The following ENTREP2 variants were observed in gnomAD, a reference collection of about 807,000 sequenced individuals.
ENTREP2 encodes protein ENTREP2.
chr15:29,608,681 C>T, the ENTREP2 span, among the ~76,000 whole-genome samples: 1 of 151,994 alleles, frequency 6.6e-6, no homozygotes, highest in African/African-American at 2.4e-5. Context: ...ATTCTCCTGA[C>T]TCAGCCTCCC....
chr15:29,159,135 A>G, the ENTREP2 span, among the ~76,000 whole-genome samples: 7 of 152,120 alleles, frequency 4.6e-5, no homozygotes, highest in Admixed American at 3.9e-4. Context: ...TACAGCTCTT[A>G]AAGGTGGCGT....
At chr15:29,393,468 C>T in the ENTREP2 span, among the ~76,000 whole-genome samples, 19 of 152,332 alleles carry the variant, frequency 1.2e-4, no homozygotes, top group African/African-American at 4.3e-4. Context: ...CCACATACCG[C>T]CTGACGCTGC....
At chr15:29,187,014 C>T in the ENTREP2 span, among the ~76,000 whole-genome samples, 1 of 152,116 alleles carries the variant, frequency 6.6e-6, no homozygotes, top group Non-Finnish European at 1.5e-5. Flanking sequence ...TATCATTCAG[C>T]AATAGAATCC....
chr15:29,233,263 G>C, the ENTREP2 span, among the ~76,000 whole-genome samples: 1 of 152,152 alleles, frequency 6.6e-6, no homozygotes, highest in Non-Finnish European at 1.5e-5. Flanking sequence ...TTGGCTACCA[G>C]ATAAGTGAGA....
the ENTREP2 span, among the ~76,000 whole-genome samples, chr15:29,159,130 C>T: frequency 1.8e-4 from 27 of 152,130 alleles, no homozygotes; most frequent in Non-Finnish European, 2.8e-4. Flanking sequence ...AGTGTTACAG[C>T]TCTTAAAGGT....
At chr15:29,461,629 T>C in the ENTREP2 span, among the ~76,000 whole-genome samples, 12 of 152,158 alleles carry the variant, frequency 7.9e-5, no homozygotes, top group South Asian at 2.5e-3. Context: ...TGTCTGCCAC[T>C]GTGCCAGGCT....
chr15:29,564,648 G>A, the ENTREP2 span, among the ~76,000 whole-genome samples: 1 of 152,184 alleles, frequency 6.6e-6, no homozygotes, highest in South Asian at 2.1e-4. Flanking sequence ...CTGCCCACCA[G>A]ACTTCCATCC....
At chr15:29,334,404 G>A in the ENTREP2 span, among the ~76,000 whole-genome samples, 1 of 106,684 alleles carries the variant, frequency 9.4e-6, no homozygotes, top group Non-Finnish European at 2.3e-5. Flanking sequence ...TGAGCAGCAA[G>A]CAGGGCTTTC....
the ENTREP2 span, among the ~76,000 whole-genome samples, chr15:29,239,400 A>G: frequency 6.6e-6 from 1 of 152,216 alleles, no homozygotes; most frequent in Non-Finnish European, 1.5e-5. Flanking sequence ...AAGTTCACCA[A>G]TCAGAAACAC....
chr15:29,288,619 A>G, the ENTREP2 span, among the ~76,000 whole-genome samples: 3 of 152,200 alleles, frequency 2.0e-5, no homozygotes, highest in Non-Finnish European at 4.4e-5. Flanking sequence ...ACTGTGTTAC[A>G]GTCACCTATA....
chr15:29,378,718 A>G, the ENTREP2 span, among the ~76,000 whole-genome samples: 11 of 152,360 alleles, frequency 7.2e-5, no homozygotes, highest in East Asian at 2.1e-3. Flanking sequence ...CCAATTCTTT[A>G]AAATAAATAA....
At chr15:29,519,823 A>T in the ENTREP2 span, among the ~76,000 whole-genome samples, 1 of 152,210 alleles carries the variant, frequency 6.6e-6, no homozygotes, top group South Asian at 2.1e-4. Flanking sequence ...ACCACCAAAG[A>T]AGTGAAAATA....
the ENTREP2 span, among the ~76,000 whole-genome samples, chr15:29,378,987 TGAACCAAAA>T: frequency 2.0e-5 from 3 of 152,182 alleles, no homozygotes; most frequent in South Asian, 4.1e-4. Flanking sequence ...TTTTTGCTAA[TGAACCAAAA>T]GATTGCACTG....
chr15:29,599,531 A>T, the ENTREP2 span, among the ~76,000 whole-genome samples: 1 of 152,336 alleles, frequency 6.6e-6, no homozygotes, highest in East Asian at 1.9e-4. Context: ...TCCTGGGTCC[A>T]CTACCTAACA....
chr15:29,219,477 G>A, the ENTREP2 span, among the ~76,000 whole-genome samples: 1 of 151,446 alleles, frequency 6.6e-6, no homozygotes, highest in Non-Finnish European at 1.5e-5. Context: ...GGTTATCTAT[G>A]CAGAGGAAAA....
the ENTREP2 span, among the ~76,000 whole-genome samples, chr15:29,456,059 C>T: frequency 1.6e-3 from 247 of 152,184 alleles, 9 homozygotes; most frequent in Admixed American, 0.016. Flanking sequence ...ATAAAGTGTA[C>T]AATAAACGTA....
At chr15:29,322,028 T>C in the ENTREP2 span, among the ~76,000 whole-genome samples, 1 of 67,846 alleles carries the variant, frequency 1.5e-5, no homozygotes, top group Non-Finnish European at 3.2e-5. Flanking sequence ...GAAAGGAAAA[T>C]GAAATAGGTC....
chr15:29,234,203 AG>A, the ENTREP2 span: 1 of 1,608,108 alleles, frequency 6.2e-7, no homozygotes, highest in Non-Finnish European at 8.5e-7. Context: ...ATCACCACGA[AG>A]GCTCAAACGC....
chr15:29,335,792 T>C, the ENTREP2 span, among the ~76,000 whole-genome samples: 9 of 152,170 alleles, frequency 5.9e-5, no homozygotes, highest in African/African-American at 1.9e-4. Context: ...CCAACTTCTG[T>C]TGGTTGTCTG....
Sources: allele counts gnomAD v4.1 joint callset (sites outside exome capture counted in the v4.1 genomes callset), GRCh38; gene constraint gnomAD v4.1.1; transcripts MANE v1.5; gene names NCBI Gene and HGNC (gene_info 2026-07-23, HGNC 2026-07-21).